Variants in SMYD3 observed in about 807,000 individuals in gnomAD.
SMYD3 encodes histone-lysine N-methyltransferase SMYD3.
SMYD3 carries 36 observed loss-of-function variants against 57.7 expected under a neutral mutation model. The observed-to-expected ratio is 0.62, with a 90% CI of 0.48 to 0.82. The LOEUF is 0.82. SMYD3 is among the 40% of genes least tolerant of loss of function. The pLI, the probability that SMYD3 is intolerant of heterozygous loss-of-function variation, is 0.00. For synonymous variants in SMYD3, 211 were observed against 195.0 expected, an observed-to-expected ratio of 1.08 and a Z score of -0.68; for missense variants, 515 against 538.8, an observed-to-expected ratio of 0.96 and a Z score of 0.44.
chr1:246,131,005 T>C (rs2061578931), intron 5 of SMYD3, among the ~76,000 whole-genome samples: 1 of 152,170 alleles, frequency 6.6e-6, no homozygotes, highest in Non-Finnish European at 1.5e-5. Flanking sequence ...CTCCAAGGAC[T>C]AGAAGCAGAT....
chr1:246,116,065 G>C (rs2061337257), intron 5 of SMYD3, among the ~76,000 whole-genome samples: 1 of 152,132 alleles, frequency 6.6e-6, no homozygotes, highest in Non-Finnish European at 1.5e-5. Flanking sequence ...GCTTGAACCT[G>C]GGAGGCAGAG....
intron 5 of SMYD3, among the ~76,000 whole-genome samples, chr1:245,958,438 C>T (rs1364579338): frequency 4.6e-5 from 7 of 152,168 alleles, no homozygotes; most frequent in African/African-American, 1.4e-4. Context: ...TTCTAAAGTG[C>T]TGTGCTGATG....
intron 5 of SMYD3, among the ~76,000 whole-genome samples, chr1:246,085,676 T>C (rs1051413554): frequency 2.6e-5 from 4 of 152,158 alleles, no homozygotes; most frequent in African/African-American, 9.7e-5. Flanking sequence ...TCAAACCTAC[T>C]ATGAAACAAG....
At chr1:245,948,961 T>C (rs908980136) in intron 5 of SMYD3, among the ~76,000 whole-genome samples, 4 of 152,136 alleles carry the variant, frequency 2.6e-5, no homozygotes, top group African/African-American at 9.7e-5. Context: ...GCTGAGCAGT[T>C]CCTCTGCAAG....
At chr1:245,806,778 C>A (rs538301372) in intron 10 of SMYD3, among the ~76,000 whole-genome samples, 2 of 151,142 alleles carry the variant, frequency 1.3e-5, no homozygotes, top group African/African-American at 2.4e-5. Context: ...GGCGCGGTGG[C>A]GGGCGCCTGT....
intron 10 of SMYD3, among the ~76,000 whole-genome samples, chr1:245,802,492 G>T (rs377430578): frequency 1.3e-5 from 2 of 152,252 alleles, no homozygotes; most frequent in African/African-American, 4.8e-5. Context: ...AAAATGATTG[G>T]TTTTTTAAAA....
chr1:246,232,049 T>G (rs1481738249), intron 5 of SMYD3, among the ~76,000 whole-genome samples: 1 of 152,174 alleles, frequency 6.6e-6, no homozygotes, highest in Non-Finnish European at 1.5e-5. Flanking sequence ...TTTGATCCTT[T>G]CCGAGTCTAA....
chr1:245,920,642 C>T (rs191873607), intron 7 of SMYD3, among the ~76,000 whole-genome samples: 31 of 152,272 alleles, frequency 2.0e-4, no homozygotes, highest in African/African-American at 6.5e-4. Flanking sequence ...ATCACCCCGA[C>T]GCTCATTCTC....
intron 1 of SMYD3, among the ~76,000 whole-genome samples, chr1:246,409,635 C>A (rs2066928271): frequency 6.6e-6 from 1 of 152,088 alleles, no homozygotes; most frequent in African/African-American, 2.4e-5. Flanking sequence ...GTTCTTTTGG[C>A]TTAGGATTGA....
chr1:246,140,906 C>T (rs1357606324), intron 5 of SMYD3, among the ~76,000 whole-genome samples: 1 of 152,150 alleles, frequency 6.6e-6, no homozygotes, highest in Non-Finnish European at 1.5e-5. Flanking sequence ...GAAGGAAATG[C>T]GTTTCAAATG....
At chr1:246,473,394 T>G (rs1262964883) in intron 1 of SMYD3, among the ~76,000 whole-genome samples, 1 of 152,236 alleles carries the variant, frequency 6.6e-6, no homozygotes, top group East Asian at 1.9e-4. Context: ...CCTTGATTCC[T>G]TATTACTTTT....
chr1:246,054,381 A>G (rs907005159), intron 5 of SMYD3, among the ~76,000 whole-genome samples: 1 of 152,240 alleles, frequency 6.6e-6, no homozygotes, highest in African/African-American at 2.4e-5. Context: ...AAAGTTAGAT[A>G]TAATACTAAC....
intron 1 of SMYD3, among the ~76,000 whole-genome samples, chr1:246,454,566 A>C (rs1190565856): frequency 1.3e-5 from 2 of 152,242 alleles, no homozygotes; most frequent in Non-Finnish European, 2.9e-5. Context: ...AGGACTATAA[A>C]ATGTACACAG....
chr1:246,086,912 G>A (rs1573000330), intron 5 of SMYD3, among the ~76,000 whole-genome samples: 1 of 151,970 alleles, frequency 6.6e-6, no homozygotes, highest in African/African-American at 2.4e-5. Context: ...AGTGTGTGTT[G>A]TTCCCCTCCC....
chr1:246,382,422 T>C (rs564786760), intron 1 of SMYD3, among the ~76,000 whole-genome samples: 19 of 151,946 alleles, frequency 1.3e-4, no homozygotes, highest in Admixed American at 3.3e-4. Context: ...GCCCACTCTA[T>C]AGACTCAGAG....
intron 5 of SMYD3, among the ~76,000 whole-genome samples, chr1:246,273,447 G>A (rs1040503518): frequency 6.6e-5 from 10 of 151,846 alleles, no homozygotes; most frequent in African/African-American, 2.2e-4. Flanking sequence ...ACCACGCCCG[G>A]CCCAGTAATG....
intron 1 of SMYD3, among the ~76,000 whole-genome samples, chr1:246,436,900 CT>C (rs61263648): frequency 0.078 from 10,008 of 128,336 alleles, 510 homozygotes; most frequent in African/African-American, 0.18. Context: ...GAGTTTCTTT[CT>C]TTTTTTTTTT....
intron 10 of SMYD3, among the ~76,000 whole-genome samples, chr1:245,844,270 C>T (rs939958804): frequency 6.6e-6 from 1 of 152,198 alleles, no homozygotes; most frequent in Non-Finnish European, 1.5e-5. Flanking sequence ...TGATGGTCAT[C>T]CTCAGCTAGA....
intron 5 of SMYD3, among the ~76,000 whole-genome samples, chr1:246,282,903 A>G (rs1362371805): frequency 6.6e-6 from 1 of 152,120 alleles, no homozygotes; most frequent in Non-Finnish European, 1.5e-5. Flanking sequence ...CCAGTCTCTC[A>G]CTCCAAACAA....
Sources: gnomAD v4.1 joint callset for allele counts (sites outside exome capture counted in the v4.1 genomes callset) on GRCh38, gnomAD v4.1.1 for gene constraint, MANE v1.5 for transcripts, NCBI Gene and HGNC (gene_info 2026-07-23, HGNC 2026-07-21) for gene names.